TRAPPC10: variants seen among roughly 807,000 people sequenced by gnomAD.
TRAPPC10 encodes TRAPP 130 kDa subunit.
TRAPPC10 carries 23 observed loss-of-function variants against 125.5 expected under a neutral mutation model. That is an observed-to-expected ratio of 0.18 (90% confidence interval 0.13 to 0.26). The LOEUF is 0.26. Among genes scored for constraint, TRAPPC10 ranks in the 10% least tolerant of loss-of-function variants. The pLI is 1.00. For missense variants in TRAPPC10, 1,123 were observed against 1,308.4 expected, an observed-to-expected ratio of 0.86 and a Z score of 2.19; for synonymous variants, 509 against 518.0, an observed-to-expected ratio of 0.98 and a Z score of 0.24.
intron 2 of TRAPPC10, among the ~76,000 whole-genome samples, chr21:44,037,013 T>C (rs2034033589): frequency 6.6e-6 from 1 of 152,180 alleles, no homozygotes; most frequent in South Asian, 2.1e-4. Context: ...AATGTACATA[T>C]TTAAGCATCA....
At chr21:44,041,667 C>T (rs1367901986) in intron 3 of TRAPPC10, among the ~76,000 whole-genome samples, 1 of 152,118 alleles carries the variant, frequency 6.6e-6, no homozygotes, top group Non-Finnish European at 1.5e-5. Context: ...CCACCACGCC[C>T]AGCTTTTTTG....
chr21:44,070,077 C>T (rs2036754877), intron 7 of TRAPPC10, among the ~76,000 whole-genome samples: 1 of 152,098 alleles, frequency 6.6e-6, no homozygotes, highest in African/African-American at 2.4e-5. Context: ...AGCTCTCTGG[C>T]AGGTGGAGGG....
chr21:44,076,895 TATAAG>T (rs899140393), intron 10 of TRAPPC10, among the ~76,000 whole-genome samples: 1 of 152,176 alleles, frequency 6.6e-6, no homozygotes, highest in Non-Finnish European at 1.5e-5. Flanking sequence ...ACACAGAAAT[TATAAG>T]AGAGGCTAGT....
intron 1 of TRAPPC10, among the ~76,000 whole-genome samples, chr21:44,025,950 C>T (rs895441864): frequency 4.0e-5 from 6 of 151,108 alleles, no homozygotes; most frequent in Middle Eastern, 3.5e-3. Flanking sequence ...AACGTTAAGC[C>T]GGCGATGACA....
chr21:44,056,369 G>A (rs971586804), intron 5 of TRAPPC10, among the ~76,000 whole-genome samples: 3 of 152,094 alleles, frequency 2.0e-5, no homozygotes, highest in Non-Finnish European at 4.4e-5. Context: ...ATGGGTGTCC[G>A]GGGTGGTGGG....
chr21:44,025,523 C>G (rs906928671), intron 1 of TRAPPC10, among the ~76,000 whole-genome samples: 2 of 152,098 alleles, frequency 1.3e-5, no homozygotes, highest in Admixed American at 1.3e-4. Flanking sequence ...TTTTTAAACT[C>G]TTGAATTTTA....
At chr21:44,039,680 G>C (rs1290972909) in intron 3 of TRAPPC10, among the ~76,000 whole-genome samples, 5 of 152,162 alleles carry the variant, frequency 3.3e-5, no homozygotes, top group African/African-American at 9.7e-5. Flanking sequence ...GCCTGGCCAA[G>C]ATGGTGAAAC....
chr21:44,080,033 C>A lies in TRAPPC10; in HGVS notation c.1629C>A (p.Ser543Arg), dbSNP rs746232712. The change falls in exon 13 of 23, where the codon AGC becomes AGA. Residue 543 changes from serine (S) to arginine (R), a missense_variant. This residue lies in a region of TRAPPC10 where 840 missense variants were observed against 902.0 expected (regional missense o/e 0.93). Transcript: ENST00000291574. ...GCTCCAGCTACCTGCAGACCAGCAGCCTCTTAGCCAGTGACCACCACCTCA... is the reference window on the plus strand; with the variant it reads ...GCTCCAGCTACCTGCAGACCAGCAGACTCTTAGCCAGTGACCACCACCTCA... ...GQIENYLQTS[S>R]LLASDHHLTE... The A allele has an allele frequency of 1.2e-6, 2 of 1,614,178 alleles. No individual in the cohort carries two copies. Among genetic ancestry groups the A allele is most frequent in the Non-Finnish European group, 1.7e-6 (2 of 1,180,018 alleles).
At chr21:44,024,955 A>T (rs980012350) in intron 1 of TRAPPC10, among the ~76,000 whole-genome samples, 2 of 152,074 alleles carry the variant, frequency 1.3e-5, no homozygotes, top group African/African-American at 4.8e-5. Context: ...ACACTGTCCC[A>T]CCTCACTTTC....
intron 5 of TRAPPC10, among the ~76,000 whole-genome samples, chr21:44,058,719 G>T (rs1007886104): frequency 6.6e-6 from 1 of 152,174 alleles, no homozygotes; most frequent in Admixed American, 6.5e-5. Flanking sequence ...GTCCAAGGGC[G>T]GAGCCCTGCG....
chr21:44,027,518 A>C (rs1047388674), intron 1 of TRAPPC10, among the ~76,000 whole-genome samples: 3 of 152,340 alleles, frequency 2.0e-5, no homozygotes, highest in East Asian at 3.9e-4. Context: ...GGGAAGGAGC[A>C]CTGGGCAGTA....
At chr21:44,048,745 C>T (rs1449244653) in intron 3 of TRAPPC10, among the ~76,000 whole-genome samples, 1 of 151,614 alleles carries the variant, frequency 6.6e-6, no homozygotes, top group African/African-American at 2.4e-5. Flanking sequence ...CTGCCCACCT[C>T]AGCCTCCCAA....
At chr21:44,086,771 C>T (rs201847595) in intron 15 of TRAPPC10, 31 bp from the exon 16 acceptor site, 52 of 1,608,404 alleles carry the variant, frequency 3.2e-5, no homozygotes, top group Admixed American at 1.5e-4. Flanking sequence ...CGGTTGGCAG[C>T]GGTGCTGAGC....
chr21:44,054,204 T>C (rs540420661), intron 4 of TRAPPC10, among the ~76,000 whole-genome samples: 1 of 152,250 alleles, frequency 6.6e-6, no homozygotes, highest in East Asian at 1.9e-4. Context: ...ACCTTTGGAG[T>C]GAGCGGCTCT....
intron 11 of TRAPPC10, among the ~76,000 whole-genome samples, chr21:44,078,254 G>GAT: frequency 1.3e-5 from 2 of 151,998 alleles, no homozygotes; most frequent in African/African-American, 4.8e-5. Context: ...AAGACTGCAG[G>GAT]GTTTCCATTC....
chr21:44,025,683 G>A (rs994591537), intron 1 of TRAPPC10, among the ~76,000 whole-genome samples: 4 of 152,130 alleles, frequency 2.6e-5, no homozygotes, highest in Admixed American at 2.0e-4. Flanking sequence ...TAGTCTTTAC[G>A]TGTAGTAGTT....
intron 7 of TRAPPC10, among the ~76,000 whole-genome samples, chr21:44,065,123 G>T (rs1341032221): frequency 1.3e-5 from 2 of 152,212 alleles, no homozygotes; most frequent in Non-Finnish European, 2.9e-5. Context: ...AAGTATTCAA[G>T]TCCAAATGAT....
chr21:44,077,972 A>G (rs2037408667), intron 11 of TRAPPC10, among the ~76,000 whole-genome samples, 188 bp downstream of exon 11: 1 of 151,928 alleles, frequency 6.6e-6, no homozygotes, highest in South Asian at 2.1e-4. Context: ...TCTGCTTGTT[A>G]CTCTTAATAA....
intron 1 of TRAPPC10, among the ~76,000 whole-genome samples, chr21:44,017,555 A>T (rs1372859197): frequency 6.6e-6 from 1 of 152,170 alleles, no homozygotes; most frequent in Non-Finnish European, 1.5e-5. Context: ...AGATTCCAGT[A>T]ATTTATTAAA....
Sources: allele counts gnomAD v4.1 joint callset (sites outside exome capture counted in the v4.1 genomes callset), GRCh38; gene constraint gnomAD v4.1.1; regional missense constraint gnomAD v4.1.1; transcripts MANE v1.5; gene names NCBI Gene and HGNC (gene_info 2026-07-23, HGNC 2026-07-21).